MAP4K3: variants seen among roughly 807,000 people sequenced by gnomAD.
MAP4K3 encodes the protein MAPK/ERK kinase kinase kinase 3.
In MAP4K3, 94 loss-of-function variants were observed where a neutral mutation model predicts 143.5. The ratio of observed to expected loss-of-function variants is 0.65; its 90% CI spans 0.55 to 0.78. The LOEUF is 0.78. Ranked by LOEUF, MAP4K3 falls within the 30% of genes least tolerant of loss-of-function variation. The pLI is 0.00. For missense variants in MAP4K3, 1,077 were observed against 1,068.1 expected (o/e 1.01, Z -0.12); for synonymous variants, 416 against 347.2 (o/e 1.20, Z -2.20).
chr2:39,376,426 A>G (rs1254561494), intron 2 of MAP4K3, among the ~76,000 whole-genome samples: 1 of 152,220 alleles, frequency 6.6e-6, no homozygotes, highest in African/African-American at 2.4e-5. Flanking sequence ...ACATTGATCA[A>G]TATACACATG....
chr2:39,376,010 T>C (rs1666207790), intron 2 of MAP4K3, among the ~76,000 whole-genome samples: 1 of 152,238 alleles, frequency 6.6e-6, no homozygotes, highest in African/African-American at 2.4e-5. Flanking sequence ...TGAGACATAC[T>C]GTGAATAATG....
chr2:39,310,493 T>C (rs961716934), intron 13 of MAP4K3, among the ~76,000 whole-genome samples: 8 of 152,260 alleles, frequency 5.3e-5, no homozygotes, highest in South Asian at 4.1e-4. Context: ...TATTCACCCA[T>C]TGATACACAT....
chr2:39,275,439 G>A (rs1331867792), intron 24 of MAP4K3, among the ~76,000 whole-genome samples: 4 of 152,132 alleles, frequency 2.6e-5, no homozygotes, highest in African/African-American at 4.8e-5. Flanking sequence ...CTGTGTTCAC[G>A]CCACTGCCCT....
At chr2:39,338,633 A>G (rs1006816452) in intron 4 of MAP4K3, among the ~76,000 whole-genome samples, 2 of 152,250 alleles carry the variant, frequency 1.3e-5, no homozygotes, top group African/African-American at 4.8e-5. Context: ...CTTATAAGTA[A>G]TATTTCCTGT....
chr2:39,428,606 G>A (rs1227956676), intron 1 of MAP4K3, among the ~76,000 whole-genome samples: 1 of 151,828 alleles, frequency 6.6e-6, no homozygotes, highest in Non-Finnish European at 1.5e-5. Context: ...AACCCGGAAG[G>A]CAGAGGTTGC....
At chr2:39,251,251 C>T (rs1052434456) in intron 33 of MAP4K3, among the ~76,000 whole-genome samples, 2 of 152,158 alleles carry the variant, frequency 1.3e-5, no homozygotes, top group Admixed American at 6.5e-5. Flanking sequence ...TCAGGTTGCC[C>T]TCCCCAGGAA....
chr2:39,349,600 T>C (rs1665392227), intron 3 of MAP4K3, among the ~76,000 whole-genome samples: 1 of 152,006 alleles, frequency 6.6e-6, no homozygotes, highest in East Asian at 1.9e-4. Flanking sequence ...TGAGAAATCC[T>C]GTAGTGAGAA....
rs763570074 is a variant in MAP4K3, at chr2:39,260,664, T to C, written c.2250A>G (p.Gln750=). Residue 750 remains glutamine, a synonymous_variant, in exon 29 of 34, where the codon CAA becomes CAG. Transcript: ENST00000263881. ...VGVSRGRDFN[Q]VVRFETVNPN... is the part of the protein sequence containing the mutation. The stretch of plus-strand genomic sequence containing the variant: ...GATTGACCGTCTCAAATCGAACCAC[T>C]TGGTTGAAGTCTCTACCTCTACTGA... 22 of 1,613,988 alleles carry C rather than the reference T, an allele frequency of 1.4e-5. No individual in the cohort carries two copies. The highest frequency in any genetic ancestry group is 1.8e-5 in the Non-Finnish European group (21 of 1,180,012).
chr2:39,301,817 G>GAT (rs1682521801), intron 15 of MAP4K3, among the ~76,000 whole-genome samples: 1 of 152,122 alleles, frequency 6.6e-6, no homozygotes, highest in Non-Finnish European at 1.5e-5. Flanking sequence ...GAGGTCAGGA[G>GAT]GTCGAGATCA....
At chr2:39,265,146 C>G in intron 28 of MAP4K3, 57 bp downstream of exon 28, 2 of 1,120,012 alleles carry the variant, frequency 1.8e-6, no homozygotes, top group Non-Finnish European at 2.7e-6. Flanking sequence ...CTTTAAAGAA[C>G]AGTAAGGTTG....
intron 2 of MAP4K3, among the ~76,000 whole-genome samples, chr2:39,365,140 GCTAT>G (rs1420684360): frequency 6.6e-6 from 1 of 152,104 alleles, no homozygotes; most frequent in East Asian, 1.9e-4. Context: ...TTCAGGGCCT[GCTAT>G]CTGTCATGTG....
intron 26 of MAP4K3, among the ~76,000 whole-genome samples, chr2:39,270,448 C>T (rs1680966671): frequency 6.6e-6 from 1 of 152,152 alleles, no homozygotes. Flanking sequence ...AGGCAGAGTT[C>T]AATTTATCAT....
intron 1 of MAP4K3, among the ~76,000 whole-genome samples, chr2:39,388,281 G>T (rs752188741): frequency 1.2e-4 from 18 of 152,120 alleles, no homozygotes; most frequent in Non-Finnish European, 2.2e-4. Flanking sequence ...TTCACTTTTG[G>T]AAATAAGTTA....
intron 3 of MAP4K3, among the ~76,000 whole-genome samples, chr2:39,345,723 TC>T (rs1558658034): frequency 6.6e-6 from 1 of 151,606 alleles, no homozygotes; most frequent in Admixed American, 6.6e-5. Context: ...ATCGAGACCA[TC>T]CTGGCTAACA....
chr2:39,258,464 A>C, intron 30 of MAP4K3, 24 bp from the exon 31 acceptor site: 1 of 1,601,298 alleles, frequency 6.2e-7, no homozygotes, highest in Non-Finnish European at 8.6e-7. Flanking sequence ...AGTCACTCAG[A>C]AACTAAGATA....
At chr2:39,279,826 G>A (rs576126960) in intron 23 of MAP4K3, among the ~76,000 whole-genome samples, 1 of 152,122 alleles carries the variant, frequency 6.6e-6, no homozygotes, top group Non-Finnish European at 1.5e-5. Context: ...GGTGGCATGT[G>A]CCTCCAGTCC....
chr2:39,357,122 T>C (rs1321755105), intron 2 of MAP4K3, among the ~76,000 whole-genome samples: 2 of 152,226 alleles, frequency 1.3e-5, no homozygotes, highest in African/African-American at 4.8e-5. Flanking sequence ...ACTGCCTCCT[T>C]GTCCAAATTC....
intron 26 of MAP4K3, among the ~76,000 whole-genome samples, chr2:39,267,755 G>T (rs998668108): frequency 1.3e-5 from 2 of 151,166 alleles, no homozygotes; most frequent in Admixed American, 6.6e-5. Flanking sequence ...TGGGTTAAGG[G>T]TTTAAATATG....
At chr2:39,359,502 G>A (rs1370049935) in intron 2 of MAP4K3, among the ~76,000 whole-genome samples, 5 of 152,230 alleles carry the variant, frequency 3.3e-5, no homozygotes, top group Non-Finnish European at 7.3e-5. Flanking sequence ...CTGAGATCCA[G>A]AGGACAGTGA....
Sources: allele counts gnomAD v4.1 joint callset (sites outside exome capture counted in the v4.1 genomes callset), GRCh38; gene constraint gnomAD v4.1.1; transcripts MANE v1.5; gene names NCBI Gene and HGNC (gene_info 2026-07-23, HGNC 2026-07-21).